DLGAP2: variants seen among roughly 807,000 people sequenced by gnomAD.
DLGAP2 encodes the protein disks large-associated protein 2.
Under a neutral mutation model 100.3 loss-of-function variants are expected in DLGAP2, and 26 were observed. The ratio of observed to expected loss-of-function variants is 0.26; its 90% CI spans 0.19 to 0.36. The LOEUF is 0.36. Among genes scored for constraint, DLGAP2 ranks in the 10% least tolerant of loss-of-function variants. The pLI is 1.00. For missense variants in DLGAP2, 1,858 were observed against 1,453.2 expected (o/e 1.28, Z -4.53); for synonymous variants, 886 against 630.1 (o/e 1.41, Z -6.08).
rs188890211 is a variant in DLGAP2, at chr8:1,241,260, A to C, written c.74-17591A>C. On this transcript the variant is annotated intron_variant, in intron 2 of 14. Transcript: ENST00000637795. Reference sequence around the variant, plus strand: ...AGTTCTGTCACATGGAACCATGTCTAGTTCTCTCACATGGCTCCGTGTCTC... The same window carrying C: ...AGTTCTGTCACATGGAACCATGTCTCGTTCTCTCACATGGCTCCGTGTCTC... Among the ~76,000 whole-genome samples the C allele has an allele frequency of 5.9e-4, 85 of 143,838 alleles. 3 individuals are homozygous for C. The East Asian group carries it at 0.016, about 27-fold the overall frequency. 94.4% of individuals were successfully genotyped at this position (143,838 alleles called of 152,430 possible).
At chr8:1,502,096 C>T (rs1010613021) in intron 4 of DLGAP2, among the ~76,000 whole-genome samples, 9 of 152,320 alleles carry the variant, frequency 5.9e-5, no homozygotes, top group South Asian at 2.1e-4. Context: ...ATAAAATCAA[C>T]GTCAAACCAC....
At chr8:1,111,765 C>T (rs1051091537) in intron 2 of DLGAP2, among the ~76,000 whole-genome samples, 1 of 152,146 alleles carries the variant, frequency 6.6e-6, no homozygotes, top group African/African-American at 2.4e-5. Context: ...TATAGTATTC[C>T]ATGGTATAGA....
intron 2 of DLGAP2, among the ~76,000 whole-genome samples, chr8:1,156,567 G>C (rs1204427107): frequency 1.3e-5 from 2 of 151,874 alleles, no homozygotes; most frequent in Non-Finnish European, 2.9e-5. Context: ...CTCTAGCTCA[G>C]CGCCCCTGCT....
chr8:1,481,766 C>T (rs184922335), intron 3 of DLGAP2, among the ~76,000 whole-genome samples: 336 of 152,276 alleles, frequency 2.2e-3, no homozygotes, highest in African/African-American at 7.5e-3. Context: ...GCATGAGTCA[C>T]CGCACCAGGC....
chr8:1,236,876 T>C (rs1378082079), intron 2 of DLGAP2, among the ~76,000 whole-genome samples: 1 of 116,270 alleles, frequency 8.6e-6, no homozygotes, highest in Non-Finnish European at 1.8e-5. Flanking sequence ...CAGTGCATCG[T>C]GTCTAGTTCT....
intron 8 of DLGAP2, among the ~76,000 whole-genome samples, chr8:1,658,974 G>A (rs1250610475): frequency 4.6e-5 from 7 of 152,112 alleles, no homozygotes; most frequent in African/African-American, 1.7e-4. Context: ...ATTTTGTGCT[G>A]TAAATTTCCC....
chr8:1,032,218 G>A (rs1435015342), intron 2 of DLGAP2, among the ~76,000 whole-genome samples: 7 of 152,196 alleles, frequency 4.6e-5, no homozygotes, highest in South Asian at 2.1e-4. Context: ...ATAGTAGGAG[G>A]GGCAGCAAAG....
intron 1 of DLGAP2, among the ~76,000 whole-genome samples, chr8:804,494 C>T (rs942726012): frequency 2.0e-5 from 3 of 152,106 alleles, no homozygotes; most frequent in African/African-American, 7.2e-5. Context: ...TTGCTGTTTC[C>T]GTGTGTTATC....
intron 3 of DLGAP2, among the ~76,000 whole-genome samples, chr8:1,260,836 A>G (rs1799332462): frequency 6.6e-6 from 1 of 152,136 alleles, no homozygotes; most frequent in Non-Finnish European, 1.5e-5. Context: ...GAGCATGGGG[A>G]GGTGATCTGG....
intron 1 of DLGAP2, among the ~76,000 whole-genome samples, chr8:894,514 C>T (rs1258112263): frequency 1.3e-5 from 2 of 151,200 alleles, no homozygotes; most frequent in Non-Finnish European, 2.9e-5. Context: ...GACAAATAAG[C>T]CAGGTGCAGA....
At chr8:1,254,032 T>C (rs1799113281) in intron 2 of DLGAP2, among the ~76,000 whole-genome samples, 2 of 152,236 alleles carry the variant, frequency 1.3e-5, no homozygotes. Context: ...CTCTGATCCA[T>C]GTCTGAGTGA....
intron 1 of DLGAP2, among the ~76,000 whole-genome samples, chr8:834,935 C>T (rs1796844839): frequency 6.6e-6 from 1 of 152,196 alleles, no homozygotes; most frequent in South Asian, 2.1e-4. Context: ...GCAAGGCTGT[C>T]ACATTGTGTC....
chr8:772,060 C>T (rs189418053), intron 1 of DLGAP2, among the ~76,000 whole-genome samples: 1 of 152,082 alleles, frequency 6.6e-6, no homozygotes, highest in East Asian at 1.9e-4. Context: ...CACCACTATG[C>T]CTGGCTAATT....
At chr8:1,111,127 C>T (rs906349577) in intron 2 of DLGAP2, among the ~76,000 whole-genome samples, 1 of 152,240 alleles carries the variant, frequency 6.6e-6, no homozygotes, top group Non-Finnish European at 1.5e-5. Context: ...AAGCCCAGAA[C>T]ATCACTGATG....
chr8:1,460,089 G>A lies in DLGAP2; in HGVS notation c.107-41277G>A, dbSNP rs138780793. On this transcript the variant is annotated intron_variant, in intron 3 of 14. Coordinates refer to ENST00000637795, the MANE Select transcript of DLGAP2 (RefSeq NM_001346810.2). ...CATGTCAAGAACACGTGCAGCGTGAGCAGGAAGGACGCTGGCATGTGGCCG... is the reference window on the plus strand; with the variant it reads ...CATGTCAAGAACACGTGCAGCGTGAACAGGAAGGACGCTGGCATGTGGCCG... 1.4e-3 allele frequency among the ~76,000 whole-genome samples: 220 copies of A among 152,334 alleles called. 1 individual carries two copies. Among genetic ancestry groups the A allele is most frequent in the African/African-American group, 4.9e-3 (202 of 41,576 alleles).
chr8:1,253,904 G>T (rs1015922629), intron 2 of DLGAP2, among the ~76,000 whole-genome samples: 15 of 152,210 alleles, frequency 9.9e-5, no homozygotes, highest in Non-Finnish European at 2.1e-4. Context: ...CAGCTTGCTG[G>T]GTGATTTTAA....
At chr8:1,596,815 A>G (rs1331082073) in intron 6 of DLGAP2, among the ~76,000 whole-genome samples, 3 of 151,876 alleles carry the variant, frequency 2.0e-5, no homozygotes, top group Non-Finnish European at 4.4e-5. Flanking sequence ...ATTTTCTCCC[A>G]TTCTGTAGGT....
At chr8:1,261,262 G>T (rs546083012) in intron 3 of DLGAP2, among the ~76,000 whole-genome samples, 37 of 151,440 alleles carry the variant, frequency 2.4e-4, no homozygotes, top group African/African-American at 9.0e-4. Flanking sequence ...AAACAAGACA[G>T]AATGGGAGGG....
chr8:1,292,038 A>C (rs138178510), intron 3 of DLGAP2, among the ~76,000 whole-genome samples: 11 of 152,386 alleles, frequency 7.2e-5, no homozygotes, highest in Middle Eastern at 3.4e-3. Context: ...TAGAGATGTG[A>C]CATCAATAGG....
Sources: allele counts gnomAD v4.1 joint callset (sites outside exome capture counted in the v4.1 genomes callset), GRCh38; gene constraint gnomAD v4.1.1; transcripts MANE v1.5; gene names NCBI Gene and HGNC (gene_info 2026-07-23, HGNC 2026-07-21).